The following CHCHD6 variants were observed in gnomAD, a reference collection of about 807,000 sequenced individuals.
CHCHD6 encodes the protein coiled-coil-helix-coiled-coil-helix domain containing 6.
A neutral mutation model predicts 32.3 loss-of-function variants in CHCHD6; 28 were observed. The observed-to-expected ratio is 0.87, with a 90% CI of 0.64 to 1.19. CHCHD6 has a LOEUF of 1.19. Among genes scored for constraint, CHCHD6 ranks in the 50% most tolerant of loss-of-function variants. CHCHD6 has a pLI of 0.00. For missense variants in CHCHD6, 333 were observed against 307.0 expected (o/e 1.08, Z -0.63); for synonymous variants, 122 against 117.5 (o/e 1.04, Z -0.25).
intron 5 of CHCHD6, among the ~76,000 whole-genome samples, chr3:126,879,275 A>G (rs1353520200): frequency 6.6e-6 from 1 of 152,186 alleles, no homozygotes; most frequent in Non-Finnish European, 1.5e-5. Context: ...ATGAGGCATC[A>G]TGTCCCATTA....
At position 126,704,453 on chromosome 3, in the gene CHCHD6, G is replaced by C. The variant is rs1037291382; in HGVS notation, c.87+54G>C. On this transcript the variant is annotated intron_variant, in intron 1 of 7. Transcript: ENST00000290913. Reference sequence around the variant, plus strand: ...GCGTGGAGGCCGCGGGCGCGGGGGGGAGGTGCGGGGCGGAGCGCAGGGCCG... The same window carrying C: ...GCGTGGAGGCCGCGGGCGCGGGGGGCAGGTGCGGGGCGGAGCGCAGGGCCG... 2.7e-5 allele frequency: 32 copies of C among 1,197,818 alleles called. No homozygotes were observed. In the South Asian group the frequency reaches 5.1e-4, roughly 19 times the overall value. 74.2% of individuals were successfully genotyped at this position (1,197,818 alleles called of 1,614,324 possible).
intron 4 of CHCHD6, among the ~76,000 whole-genome samples, chr3:126,817,341 CTT>C (rs564185365): frequency 1.4e-4 from 20 of 139,564 alleles, no homozygotes; most frequent in Admixed American, 1.4e-4. Flanking sequence ...TTCCTCTTGC[CTT>C]TTTTTTTTTT....
At chr3:126,837,018 A>G (rs998246044) in intron 4 of CHCHD6, among the ~76,000 whole-genome samples, 1 of 152,184 alleles carries the variant, frequency 6.6e-6, no homozygotes. Flanking sequence ...GCCCTCCACT[A>G]AAGGGAATTG....
At chr3:126,929,686 C>G (rs1211173771) in intron 6 of CHCHD6, among the ~76,000 whole-genome samples, 1 of 152,194 alleles carries the variant, frequency 6.6e-6, no homozygotes, top group African/African-American at 2.4e-5. Flanking sequence ...CTGCCTCAGC[C>G]TCCTGAGTAG....
intron 1 of CHCHD6, among the ~76,000 whole-genome samples, chr3:126,725,426 C>A (rs1176429596): frequency 6.6e-6 from 1 of 152,198 alleles, no homozygotes; most frequent in Non-Finnish European, 1.5e-5. Context: ...AACAGATGTT[C>A]TGTCATCTAG....
At chr3:126,766,339 G>A (rs556284775) in intron 4 of CHCHD6, 13 of 416,352 alleles carry the variant, frequency 3.1e-5, no homozygotes, top group Non-Finnish European at 5.9e-5. Context: ...GTCAGCTTTT[G>A]CTTTTTTAAA....
At chr3:126,718,234 T>G (rs1205971061) in intron 1 of CHCHD6, among the ~76,000 whole-genome samples, 1 of 152,234 alleles carries the variant, frequency 6.6e-6, no homozygotes, top group East Asian at 1.9e-4. Flanking sequence ...ACTGTTGTTA[T>G]TATTGATCAA....
intron 5 of CHCHD6, among the ~76,000 whole-genome samples, chr3:126,907,304 T>A (rs538620094): frequency 6.6e-6 from 1 of 152,314 alleles, no homozygotes; most frequent in Admixed American, 6.5e-5. Flanking sequence ...CCTCTCCAGA[T>A]GACAGCACAG....
At chr3:126,868,019 C>T (rs1018262018) in intron 5 of CHCHD6, among the ~76,000 whole-genome samples, 3 of 152,238 alleles carry the variant, frequency 2.0e-5, no homozygotes, top group African/African-American at 7.2e-5. Context: ...ATTCCAGTCA[C>T]ACCTGGCATG....
At chr3:126,900,935 T>C (rs2077916735) in intron 5 of CHCHD6, among the ~76,000 whole-genome samples, 1 of 152,136 alleles carries the variant, frequency 6.6e-6, no homozygotes, top group African/African-American at 2.4e-5. Flanking sequence ...AACTGGATCT[T>C]GCCTGACCTC....
intron 4 of CHCHD6, among the ~76,000 whole-genome samples, chr3:126,849,307 C>T (rs1399712309): frequency 6.6e-6 from 1 of 152,268 alleles, no homozygotes; most frequent in African/African-American, 2.4e-5. Flanking sequence ...TTGGAGCCAG[C>T]AGGCCTGTGG....
At chr3:126,726,940 T>C (rs931310195) in intron 1 of CHCHD6, 138 bp from the exon 2 acceptor site, 11 of 644,132 alleles carry the variant, frequency 1.7e-5, no homozygotes, top group Non-Finnish European at 3.0e-5. Context: ...AGAGGAGTTT[T>C]AGTAGAATTG....
chr3:126,735,073 AC>A (rs1935982208), intron 4 of CHCHD6, among the ~76,000 whole-genome samples: 1 of 151,986 alleles, frequency 6.6e-6, no homozygotes, highest in African/African-American at 2.4e-5. Flanking sequence ...ATGGGTTGTT[AC>A]CCCTCTGCAG....
chr3:126,802,699 A>G (rs2107691410), intron 4 of CHCHD6, among the ~76,000 whole-genome samples: 1 of 152,348 alleles, frequency 6.6e-6, no homozygotes, highest in Admixed American at 6.5e-5. Flanking sequence ...ATTCAAATTC[A>G]GGAAATACAG....
At chr3:126,890,219 C>T (rs973174951) in intron 5 of CHCHD6, among the ~76,000 whole-genome samples, 1 of 152,210 alleles carries the variant, frequency 6.6e-6, no homozygotes, top group African/African-American at 2.4e-5. Context: ...CAGCATTTTG[C>T]AGAAATCATC....
At chr3:126,806,590 A>G (rs1330938004) in intron 4 of CHCHD6, among the ~76,000 whole-genome samples, 3 of 152,182 alleles carry the variant, frequency 2.0e-5, no homozygotes, top group Admixed American at 1.3e-4. Context: ...ACACTTTTAC[A>G]CTGTTGGTGG....
intron 4 of CHCHD6, among the ~76,000 whole-genome samples, chr3:126,753,945 T>C (rs1936840659): frequency 2.0e-5 from 3 of 152,174 alleles, no homozygotes; most frequent in Non-Finnish European, 4.4e-5. Flanking sequence ...CTTGAGTGTT[T>C]ATTGGGAAGG....
At chr3:126,871,113 G>GT (rs2077464255) in intron 5 of CHCHD6, among the ~76,000 whole-genome samples, 1 of 152,118 alleles carries the variant, frequency 6.6e-6, no homozygotes, top group Non-Finnish European at 1.5e-5. Context: ...TCATATCAGC[G>GT]TTTGATTCAC....
intron 4 of CHCHD6, among the ~76,000 whole-genome samples, chr3:126,817,697 G>A (rs193220924): frequency 3.3e-5 from 5 of 152,278 alleles, no homozygotes; most frequent in Non-Finnish European, 4.4e-5. Context: ...GGTAGCACTC[G>A]AGGCCCTTTG....
Sources: allele counts gnomAD v4.1 joint callset (sites outside exome capture counted in the v4.1 genomes callset), GRCh38; gene constraint gnomAD v4.1.1; transcripts MANE v1.5; gene names NCBI Gene and HGNC (gene_info 2026-07-23, HGNC 2026-07-21).